LRRC3B: variants seen among roughly 807,000 people sequenced by gnomAD.
LRRC3B encodes the protein leucine-rich repeat-containing protein 3B.
In LRRC3B, 2 loss-of-function variants were observed where a neutral mutation model predicts 12.8. The ratio of observed to expected loss-of-function variants is 0.16; its 90% CI spans 0.06 to 0.49. The LOEUF is 0.49. Among genes scored for constraint, LRRC3B ranks in the 20% least tolerant of loss-of-function variants. The probability of loss-of-function intolerance (pLI) is 0.96; values close to 1 mark genes in which losing one functional copy is unlikely to be tolerated. For missense variants in LRRC3B, 189 were observed against 319.4 expected (o/e 0.59, Z 3.11); for synonymous variants, 132 against 122.0 (o/e 1.08, Z -0.54).
chr3:26,689,904 G>GTGTT (rs1051924579), intron 1 of LRRC3B, among the ~76,000 whole-genome samples: 2 of 152,192 alleles, frequency 1.3e-5, no homozygotes, highest in African/African-American at 4.8e-5. Flanking sequence ...GTGACTTTTG[G>GTGTT]TGTTGGTGAA....
At chr3:26,697,067 T>C (rs1700335137) in intron 1 of LRRC3B, among the ~76,000 whole-genome samples, 1 of 152,152 alleles carries the variant, frequency 6.6e-6, no homozygotes, top group African/African-American at 2.4e-5. Context: ...AACTCTTAAC[T>C]CACATAATGG....
intron 1 of LRRC3B, among the ~76,000 whole-genome samples, chr3:26,664,437 C>A (rs1006229157): frequency 6.6e-6 from 1 of 152,084 alleles, no homozygotes; most frequent in African/African-American, 2.4e-5. Flanking sequence ...TGGTTATCCC[C>A]AGCCTCTAGT....
At chr3:26,631,887 A>G (rs1258655347) in intron 1 of LRRC3B, among the ~76,000 whole-genome samples, 2 of 151,216 alleles carry the variant, frequency 1.3e-5, no homozygotes, top group African/African-American at 4.9e-5. Context: ...AATCCCTTTC[A>G]GTTATATGGG....
intron 1 of LRRC3B, among the ~76,000 whole-genome samples, chr3:26,695,110 C>G (rs1437086631): frequency 6.6e-6 from 1 of 152,116 alleles, no homozygotes; most frequent in East Asian, 1.9e-4. Context: ...AAATTTTTCT[C>G]TCAGTGATAT....
chr3:26,649,068 A>G (rs1699211838), intron 1 of LRRC3B, among the ~76,000 whole-genome samples: 1 of 152,236 alleles, frequency 6.6e-6, no homozygotes, highest in Admixed American at 6.5e-5. Flanking sequence ...CATTTAGAGG[A>G]TTAAAACACT....
chr3:26,628,863 A>AT (rs869246818), intron 1 of LRRC3B, among the ~76,000 whole-genome samples: 1 of 147,726 alleles, frequency 6.8e-6, no homozygotes, highest in Admixed American at 6.7e-5. Flanking sequence ...AAAAAAAAAA[A>AT]TCCTCCACAA....
intron 1 of LRRC3B, among the ~76,000 whole-genome samples, chr3:26,699,335 A>G (rs1014333399): frequency 6.6e-6 from 1 of 152,154 alleles, no homozygotes; most frequent in African/African-American, 2.4e-5. Flanking sequence ...CATTTCACAC[A>G]TATTTTATTG....
At chr3:26,635,838 C>T (rs1698857941) in intron 1 of LRRC3B, among the ~76,000 whole-genome samples, 1 of 152,166 alleles carries the variant, frequency 6.6e-6, no homozygotes, top group Admixed American at 6.5e-5. Flanking sequence ...AATCAATGAA[C>T]ACTAATGATT....
At chr3:26,688,826 A>G (rs1231269793) in intron 1 of LRRC3B, among the ~76,000 whole-genome samples, 1 of 152,188 alleles carries the variant, frequency 6.6e-6, no homozygotes, top group African/African-American at 2.4e-5. Context: ...TCTCACCCCC[A>G]TAATCCCTGG....
chr3:26,681,805 C>T (rs980552298), intron 1 of LRRC3B, among the ~76,000 whole-genome samples: 5 of 152,046 alleles, frequency 3.3e-5, no homozygotes, highest in Non-Finnish European at 7.3e-5. Context: ...AAGCCAAAGC[C>T]TCTTGAATTG....
In LRRC3B at chr3:26,644,392, C is replaced by A. The variant is rs181461605; in HGVS notation, c.-161+21155C>A. Among the ~76,000 whole-genome samples, 375 of 152,296 alleles carry A rather than the reference C, an allele frequency of 2.5e-3. 3 individuals carry two copies. The highest frequency in any genetic ancestry group is 8.7e-3 in the African/African-American group (360 of 41,564). ...TCAGCCTAAAAATTCCTTTGAGAATCTGAGTTATTTCACATCTACTTCATA... is the reference window on the plus strand; with the variant it reads ...TCAGCCTAAAAATTCCTTTGAGAATATGAGTTATTTCACATCTACTTCATA... On this transcript the variant is annotated intron_variant, in intron 1 of 1. Coordinates refer to ENST00000396641, the Ensembl canonical transcript of LRRC3B.
intron 1 of LRRC3B, among the ~76,000 whole-genome samples, chr3:26,691,305 G>A (rs1575166809): frequency 6.6e-6 from 1 of 151,718 alleles, no homozygotes; most frequent in Non-Finnish European, 1.5e-5. Context: ...TACACTACTT[G>A]ACTTCTACCA....
chr3:26,646,992 T>C (rs1699165955), intron 1 of LRRC3B, among the ~76,000 whole-genome samples: 1 of 152,142 alleles, frequency 6.6e-6, no homozygotes, highest in Non-Finnish European at 1.5e-5. Flanking sequence ...GCGTAGCTCC[T>C]TCTCACCTTC....
intron 1 of LRRC3B, among the ~76,000 whole-genome samples, chr3:26,699,078 T>G (rs952918648): frequency 6.6e-6 from 1 of 152,134 alleles, no homozygotes; most frequent in African/African-American, 2.4e-5. Flanking sequence ...TTTTCTTCAG[T>G]GAAATTTCAA....
chr3:26,644,010 G>T (rs768580085), intron 1 of LRRC3B, among the ~76,000 whole-genome samples: 11 of 152,184 alleles, frequency 7.2e-5, no homozygotes, highest in Non-Finnish European at 1.6e-4. Flanking sequence ...TACCACTGCG[G>T]TGTGAAAGGT....
intron 1 of LRRC3B, among the ~76,000 whole-genome samples, chr3:26,689,004 T>A (rs1185221078): frequency 6.6e-6 from 1 of 152,132 alleles, no homozygotes; most frequent in Non-Finnish European, 1.5e-5. Flanking sequence ...CACCAAGGCC[T>A]CAGTTATCCC....
chr3:26,662,769 C>T (rs1699519783), intron 1 of LRRC3B, among the ~76,000 whole-genome samples: 1 of 152,132 alleles, frequency 6.6e-6, no homozygotes, highest in Non-Finnish European at 1.5e-5. Flanking sequence ...ACTCAGCCCA[C>T]TTCTTTAGTG....
intron 1 of LRRC3B, among the ~76,000 whole-genome samples, chr3:26,672,716 C>T (rs567557573): frequency 2.0e-5 from 3 of 152,334 alleles, no homozygotes; most frequent in Non-Finnish European, 4.4e-5. Context: ...TATGTAGCTG[C>T]TTAAGATTTT....
At chr3:26,707,195 TAC>T (rs1700614912) in intron 1 of LRRC3B, among the ~76,000 whole-genome samples, 2 of 61,964 alleles carry the variant, frequency 3.2e-5, no homozygotes, top group Non-Finnish European at 8.4e-5. Context: ...CTACTAAAAA[TAC>T]AGAAAAAAAA....
Sources: allele counts gnomAD v4.1 joint callset (sites outside exome capture counted in the v4.1 genomes callset), GRCh38; gene constraint gnomAD v4.1.1; transcripts MANE v1.5; gene names NCBI Gene and HGNC (gene_info 2026-07-23, HGNC 2026-07-21).